SGCD: variants seen among roughly 807,000 people sequenced by gnomAD.
SGCD encodes the protein sarcoglycan delta, also known as delta-sarcoglycan.
SGCD carries 18 observed loss-of-function variants against 36.6 expected under a neutral mutation model. That is an observed-to-expected ratio of 0.49 (90% confidence interval 0.34 to 0.73). The LOEUF is 0.73. Among genes scored for constraint, SGCD ranks in the 30% least tolerant of loss-of-function variants. The probability of loss-of-function intolerance (pLI) is 0.01; values close to 1 mark genes in which losing one functional copy is unlikely to be tolerated. For missense variants in SGCD, 387 were observed against 346.7 expected (o/e 1.12, Z -0.92); for synonymous variants, 133 against 130.6 (o/e 1.02, Z -0.12).
rs118087656 is a variant in SGCD, at chr5:156,174,100, A to C, written c.-44+50081A>C. Among the ~76,000 whole-genome samples, 33 of 152,318 alleles carry C rather than the reference A, an allele frequency of 2.2e-4. No homozygotes were observed. In the East Asian group the frequency reaches 5.4e-3, roughly 25 times the overall value. On this transcript the variant is annotated intron_variant, in intron 3 of 9. Transcript: ENST00000517913. ...TTTTACTATTTATTAAGTGTTTACTATGTGCTGGCTGCCGCATTCATGGTA... is the reference window on the plus strand; with the variant it reads ...TTTTACTATTTATTAAGTGTTTACTCTGTGCTGGCTGCCGCATTCATGGTA...
chr5:155,737,032 A>G, the SGCD span, among the ~76,000 whole-genome samples: 26 of 152,350 alleles, frequency 1.7e-4, no homozygotes, highest in Admixed American at 1.7e-3. Flanking sequence ...ACGCACAGCA[A>G]GCTGAGGGTT....
chr5:156,207,299 G>A (rs1764306199), intron 3 of SGCD, among the ~76,000 whole-genome samples: 1 of 152,058 alleles, frequency 6.6e-6, no homozygotes, highest in South Asian at 2.1e-4. Flanking sequence ...TCAGTAAAAT[G>A]GCATGGAGAG....
chr5:156,438,043 T>A (rs990888552), intron 3 of SGCD, among the ~76,000 whole-genome samples: 1 of 152,116 alleles, frequency 6.6e-6, no homozygotes, highest in Non-Finnish European at 1.5e-5. Flanking sequence ...GGAGGCTGGA[T>A]TTGCAACTTT....
the SGCD span, among the ~76,000 whole-genome samples, chr5:155,751,732 A>G: frequency 7.5e-6 from 1 of 134,218 alleles, no homozygotes; most frequent in East Asian, 2.0e-4. Flanking sequence ...AAGAAAAAAG[A>G]AAAACACACA....
chr5:156,070,907 G>T (rs1050293865), intron 1 of SGCD, among the ~76,000 whole-genome samples: 4 of 152,170 alleles, frequency 2.6e-5, no homozygotes, highest in African/African-American at 4.8e-5. Context: ...AGATTTTCTA[G>T]TTTATTTGCA....
intron 4 of SGCD, among the ~76,000 whole-genome samples, chr5:156,521,715 G>A (rs1055733367): frequency 1.3e-5 from 2 of 152,140 alleles, no homozygotes; most frequent in Non-Finnish European, 2.9e-5. Context: ...GTGAGGCTGT[G>A]GGGAAATAGG....
chr5:156,685,689 T>C (rs1440682543), intron 7 of SGCD, among the ~76,000 whole-genome samples: 1 of 152,278 alleles, frequency 6.6e-6, no homozygotes, highest in African/African-American at 2.4e-5. Context: ...GGGGAGATAA[T>C]GGGGATATTG....
chr5:155,983,017 G>A (rs1267062985), intron 1 of SGCD, among the ~76,000 whole-genome samples: 1 of 152,114 alleles, frequency 6.6e-6, no homozygotes, highest in Non-Finnish European at 1.5e-5. Context: ...GTTAATAGTG[G>A]AGAGAAAAGA....
At chr5:156,259,573 T>C (rs1295524687) in intron 3 of SGCD, among the ~76,000 whole-genome samples, 1 of 152,128 alleles carries the variant, frequency 6.6e-6, no homozygotes, top group Non-Finnish European at 1.5e-5. Context: ...GGGTTTTATG[T>C]TTAGGTTTGT....
At chr5:156,560,571 A>C (rs1423954013) in intron 4 of SGCD, among the ~76,000 whole-genome samples, 1 of 152,230 alleles carries the variant, frequency 6.6e-6, no homozygotes, top group African/African-American at 2.4e-5. Context: ...TATGTAATAG[A>C]AAACAGTTTA....
intron 4 of SGCD, among the ~76,000 whole-genome samples, chr5:156,532,181 C>G (rs371361182): frequency 5.4e-4 from 82 of 152,168 alleles, no homozygotes; most frequent in African/African-American, 1.9e-3. Context: ...AAATTGCTAT[C>G]AGGAAATGAG....
chr5:156,583,459 C>T (rs1760366406), intron 4 of SGCD, among the ~76,000 whole-genome samples: 2 of 152,166 alleles, frequency 1.3e-5, no homozygotes, highest in African/African-American at 2.4e-5. Flanking sequence ...TGCCCTACCT[C>T]CACTCCAGTT....
chr5:156,650,151 G>C (rs1763407431), intron 7 of SGCD, among the ~76,000 whole-genome samples: 2 of 152,118 alleles, frequency 1.3e-5, no homozygotes. Flanking sequence ...CGTAGTGTTT[G>C]TTACACAACT....
At chr5:156,578,575 ATTACC>A (rs946182232) in intron 4 of SGCD, among the ~76,000 whole-genome samples, 3 of 152,208 alleles carry the variant, frequency 2.0e-5, no homozygotes, top group Non-Finnish European at 4.4e-5. Flanking sequence ...GCTATTAATT[ATTACC>A]TCAATTTCAG....
At chr5:156,072,089 G>T (rs1339211510) in intron 1 of SGCD, among the ~76,000 whole-genome samples, 1 of 152,084 alleles carries the variant, frequency 6.6e-6, no homozygotes, top group Non-Finnish European at 1.5e-5. Context: ...TATCCAATTT[G>T]CCAGTCTGTG....
chr5:156,554,408 A>G (rs962043837), intron 4 of SGCD, among the ~76,000 whole-genome samples: 2 of 151,220 alleles, frequency 1.3e-5, no homozygotes, highest in African/African-American at 4.9e-5. Flanking sequence ...CATAATTTTT[A>G]TTATGATATA....
At chr5:156,737,461 G>C (rs1230344549) in intron 7 of SGCD, among the ~76,000 whole-genome samples, 1 of 152,086 alleles carries the variant, frequency 6.6e-6, no homozygotes, top group Non-Finnish European at 1.5e-5. Context: ...TAATTTTTAG[G>C]TATAAATTTT....
At chr5:155,928,271 G>A (rs1018349503) in intron 1 of SGCD, among the ~76,000 whole-genome samples, 7 of 152,100 alleles carry the variant, frequency 4.6e-5, no homozygotes, top group Non-Finnish European at 1.0e-4. Flanking sequence ...AAATTGAGTT[G>A]CTTCTTCAGA....
intron 3 of SGCD, among the ~76,000 whole-genome samples, chr5:156,453,018 T>A (rs1754092278): frequency 6.6e-6 from 1 of 152,186 alleles, no homozygotes; most frequent in African/African-American, 2.4e-5. Context: ...ATTCATCTTT[T>A]GTCTACTATT....
Sources: allele counts gnomAD v4.1 joint callset (sites outside exome capture counted in the v4.1 genomes callset), GRCh38; gene constraint gnomAD v4.1.1; transcripts MANE v1.5; gene names NCBI Gene and HGNC (gene_info 2026-07-23, HGNC 2026-07-21).